The following SKAP1 variants were observed in gnomAD, a reference collection of about 807,000 sequenced individuals.
The protein encoded by SKAP1 is src kinase-associated phosphoprotein 1.
Under a neutral mutation model 58.5 loss-of-function variants are expected in SKAP1, and 44 were observed. That is an observed-to-expected ratio of 0.75 (90% CI 0.59 to 0.97). SKAP1 has a LOEUF of 0.97. SKAP1 is among the 50% of genes least tolerant of loss of function. The pLI is 0.00. For missense variants in SKAP1, 390 were observed against 435.2 expected, an observed-to-expected ratio of 0.90 and a Z score of 0.92; for synonymous variants, 127 against 149.7, an observed-to-expected ratio of 0.85 and a Z score of 1.11.
chr17:48,232,396 A>G (rs370047717), intron 4 of SKAP1, among the ~76,000 whole-genome samples: 5 of 152,244 alleles, frequency 3.3e-5, no homozygotes, highest in East Asian at 1.9e-4. Flanking sequence ...AAAGATTTCA[A>G]TGCTCTTGCT....
At chr17:48,360,315 C>G (rs2066919970) in intron 3 of SKAP1, among the ~76,000 whole-genome samples, 1 of 151,938 alleles carries the variant, frequency 6.6e-6, no homozygotes, top group Non-Finnish European at 1.5e-5. Context: ...ACCTTATAAT[C>G]AAATTTTTTA....
intron 11 of SKAP1, among the ~76,000 whole-genome samples, chr17:48,144,257 G>A (rs192520770): frequency 1.3e-4 from 20 of 152,212 alleles, no homozygotes; most frequent in Admixed American, 6.5e-4. Flanking sequence ...CTGTATACCC[G>A]AAAAGGGCTG....
upstream of SKAP1, among the ~76,000 whole-genome samples, chr17:48,433,061 T>C (rs557976914): frequency 2.6e-5 from 4 of 152,226 alleles, no homozygotes; most frequent in Non-Finnish European, 5.9e-5. Context: ...AGGTTCCTCA[T>C]TGCAGACAGA....
At chr17:48,179,478 G>A (rs75295591) in intron 9 of SKAP1, among the ~76,000 whole-genome samples, 4,122 of 152,244 alleles carry the variant, frequency 0.027, 176 homozygotes, top group African/African-American at 0.092. Context: ...GAGTAGACCT[G>A]CTGTAATGAT....
chr17:48,174,166 G>T (rs2064254838), intron 9 of SKAP1, among the ~76,000 whole-genome samples: 1 of 152,074 alleles, frequency 6.6e-6, no homozygotes, highest in Non-Finnish European at 1.5e-5. Flanking sequence ...AAAAACATTG[G>T]CTATAGAGCT....
intron 3 of SKAP1, among the ~76,000 whole-genome samples, chr17:48,360,951 C>T (rs141255863): frequency 1.4e-3 from 206 of 152,042 alleles, no homozygotes; most frequent in African/African-American, 4.9e-3. Flanking sequence ...AAAACAGTCA[C>T]GAAGAGTATG....
At chr17:48,167,878 T>C (rs2064160192) in intron 10 of SKAP1, among the ~76,000 whole-genome samples, 2 of 152,212 alleles carry the variant, frequency 1.3e-5, no homozygotes, top group Non-Finnish European at 2.9e-5. Flanking sequence ...CTTTTCATGA[T>C]AGGGAAAGGT....
chr17:48,405,509 T>C (rs187066313), intron 1 of SKAP1, among the ~76,000 whole-genome samples: 12 of 149,786 alleles, frequency 8.0e-5, no homozygotes, highest in Admixed American at 6.7e-4. Context: ...TTCTTTCTTT[T>C]TTTTTTTTTT....
intron 3 of SKAP1, among the ~76,000 whole-genome samples, chr17:48,360,414 C>T (rs911491512): frequency 3.3e-5 from 5 of 152,064 alleles, no homozygotes; most frequent in South Asian, 2.1e-4. Context: ...AGTGATATTG[C>T]CATCAAATCT....
At chr17:48,378,811 A>G (rs1234411588) in intron 2 of SKAP1, among the ~76,000 whole-genome samples, 1 of 152,180 alleles carries the variant, frequency 6.6e-6, no homozygotes, top group Non-Finnish European at 1.5e-5. Flanking sequence ...CTTGTGCTCA[A>G]TAAATGTTTG....
At chr17:48,288,337 A>G (rs1056657164) in intron 4 of SKAP1, among the ~76,000 whole-genome samples, 1 of 152,234 alleles carries the variant, frequency 6.6e-6, no homozygotes, top group African/African-American at 2.4e-5. Flanking sequence ...AATTCATCAA[A>G]AACAATGAAG....
chr17:48,200,535 G>C (rs941842981), intron 4 of SKAP1, among the ~76,000 whole-genome samples: 1 of 151,884 alleles, frequency 6.6e-6, no homozygotes, highest in Non-Finnish European at 1.5e-5. Flanking sequence ...CCACCACCAT[G>C]CCCAGCTAAT....
intron 11 of SKAP1, among the ~76,000 whole-genome samples, chr17:48,141,407 T>C (rs1195273989): frequency 3.6e-5 from 5 of 138,366 alleles, no homozygotes; most frequent in African/African-American, 1.4e-4. Flanking sequence ...TTTTGAGCCA[T>C]AGCCCCTGTT....
At chr17:48,227,033 T>G (rs1488824940) in intron 4 of SKAP1, among the ~76,000 whole-genome samples, 4 of 152,154 alleles carry the variant, frequency 2.6e-5, no homozygotes, top group Non-Finnish European at 5.9e-5. Context: ...GGCTCTCTAG[T>G]TTTGGTTATT....
intron 1 of SKAP1, among the ~76,000 whole-genome samples, chr17:48,428,009 C>A (rs576913787): frequency 6.6e-6 from 1 of 152,070 alleles, no homozygotes; most frequent in Admixed American, 6.5e-5. Context: ...ATGAATAATC[C>A]TCCTGGTCTA....
chr17:48,227,265 T>C (rs1351127798), intron 4 of SKAP1, among the ~76,000 whole-genome samples: 1 of 152,232 alleles, frequency 6.6e-6, no homozygotes, highest in Non-Finnish European at 1.5e-5. Context: ...CTGTTTATTC[T>C]TGTTCTGTGC....
At chr17:48,159,954 G>C (rs2064043993) in intron 11 of SKAP1, among the ~76,000 whole-genome samples, 1 of 152,122 alleles carries the variant, frequency 6.6e-6, no homozygotes, top group Non-Finnish European at 1.5e-5. Context: ...TGCAACATGG[G>C]GAAGGGAGCC....
rs558819717 is a variant in SKAP1, at chr17:48,278,370, A to G, written c.280+67535T>C. On this transcript the variant is annotated intron_variant, in intron 4 of 12. Coordinates refer to ENST00000336915, the MANE Select transcript of SKAP1 (RefSeq NM_003726.4). ...CGGTGTGTGTTAGTTGAATGAGTTA[A>G]TAAATGAAAAAATAAATTACATGTA... 5.3e-5 allele frequency among the ~76,000 whole-genome samples: 8 copies of G among 152,344 alleles called. No individual in the cohort carries two copies. The South Asian group carries it at 1.7e-3, about 32-fold the overall frequency.
At chr17:48,348,017 T>C (rs2066745504) in intron 3 of SKAP1, among the ~76,000 whole-genome samples, 1 of 151,946 alleles carries the variant, frequency 6.6e-6, no homozygotes. Flanking sequence ...CTCTGCTTGC[T>C]TCAAAAATGT....
Sources: allele counts gnomAD v4.1 joint callset (sites outside exome capture counted in the v4.1 genomes callset), GRCh38; gene constraint gnomAD v4.1.1; transcripts MANE v1.5; gene names NCBI Gene and HGNC (gene_info 2026-07-23, HGNC 2026-07-21).